The following DNM3 variants were observed in gnomAD, a reference collection of about 807,000 sequenced individuals.
The protein encoded by DNM3 is dynamin-3.
In DNM3, 47 loss-of-function variants were observed where a neutral mutation model predicts 101.6. That is an observed-to-expected ratio of 0.46 (90% CI 0.37 to 0.59). DNM3 has a LOEUF of 0.59. DNM3 is among the 20% of genes least tolerant of loss of function. The pLI is 0.00. For missense variants in DNM3, 849 were observed against 1,085.7 expected (o/e 0.78, Z 3.06); for synonymous variants, 385 against 387.9 (o/e 0.99, Z 0.09).
intron 15 of DNM3, among the ~76,000 whole-genome samples, chr1:172,277,260 G>A (rs1180600936): frequency 6.6e-6 from 1 of 152,062 alleles, no homozygotes. Flanking sequence ...GTTTGTATAA[G>A]TAATCAGAAA....
At chr1:172,283,043 T>C (rs909257615) in intron 15 of DNM3, among the ~76,000 whole-genome samples, 1 of 152,242 alleles carries the variant, frequency 6.6e-6, no homozygotes, top group Admixed American at 6.5e-5. Flanking sequence ...TGCTAGTTAC[T>C]GACAATCAGG....
In DNM3 at chr1:172,412,361, A is replaced by G. The variant is rs2071257784; in HGVS notation, c.*4520A>G. Reference sequence around the variant, plus strand: ...ATTCCCCCCAACCAGTAATTCCACCAGTACTACTTGATTTGTGTTATATTT... The same window carrying G: ...ATTCCCCCCAACCAGTAATTCCACCGGTACTACTTGATTTGTGTTATATTT... On this transcript the variant is annotated 3_prime_UTR_variant, in exon 21 of 21. Transcript: ENST00000627582. 3.0e-6 allele frequency: 3 copies of G among 985,622 alleles called. No homozygotes were observed. The highest frequency in any genetic ancestry group is 3.6e-6 in the Non-Finnish European group (3 of 829,922). 61.1% of individuals were successfully genotyped at this position (985,622 alleles called of 1,614,324 possible). A position where few individuals can be genotyped will look rare whatever the true frequency, so the allele number is the denominator to read the frequency against.
chr1:172,095,613 C>T (rs766115220), intron 13 of DNM3, among the ~76,000 whole-genome samples: 12 of 152,134 alleles, frequency 7.9e-5, no homozygotes, highest in Non-Finnish European at 1.0e-4. Context: ...CCCACCCTTC[C>T]GACTGATGCT....
In DNM3 at chr1:172,302,251, C is replaced by T. The variant is rs78337718; in HGVS notation, c.1770-6477C>T. On this transcript the variant is annotated intron_variant, in intron 15 of 20. Coordinates refer to ENST00000627582, the MANE Select transcript of DNM3 (RefSeq NM_015569.5). ...CCTGGCTCAGCAGGTCCCACACCCA[C>T]GGAGCCTTGCTCACTGCTAGTACAG... 1.6e-3 allele frequency among the ~76,000 whole-genome samples: 240 copies of T among 152,366 alleles called. 1 individual carries two copies. Among genetic ancestry groups the T allele is most frequent in the African/African-American group, 5.7e-3 (235 of 41,590 alleles).
chr1:172,158,385 G>C (rs1225563534), intron 14 of DNM3, among the ~76,000 whole-genome samples: 1 of 151,990 alleles, frequency 6.6e-6, no homozygotes, highest in Admixed American at 6.6e-5. Context: ...GGAAAACAGA[G>C]AGACCATGAA....
At chr1:172,106,847 C>CTTTTT (rs1165611083) in intron 13 of DNM3, among the ~76,000 whole-genome samples, 928 of 67,904 alleles carry the variant, frequency 0.014, 260 homozygotes, top group Middle Eastern at 0.02. Flanking sequence ...TAACATTATT[C>CTTTTT]TTTTTTTTTT....
intron 18 of DNM3, among the ~76,000 whole-genome samples, chr1:172,384,071 T>C (rs2069061197): frequency 6.6e-6 from 1 of 152,170 alleles, no homozygotes; most frequent in Admixed American, 6.6e-5. Flanking sequence ...GATTTAAATG[T>C]CTGTATACCA....
intron 4 of DNM3, among the ~76,000 whole-genome samples, chr1:171,990,412 G>A (rs942308637): frequency 6.6e-6 from 1 of 152,094 alleles, no homozygotes; most frequent in Admixed American, 6.6e-5. Flanking sequence ...CAACTGTTAG[G>A]TTCTATGAGT....
intron 2 of DNM3, among the ~76,000 whole-genome samples, chr1:171,961,512 T>C (rs1342500102): frequency 6.6e-6 from 1 of 152,160 alleles, no homozygotes; most frequent in Non-Finnish European, 1.5e-5. Context: ...TGGAAATTGG[T>C]ACAGCCATTG....
intron 14 of DNM3, among the ~76,000 whole-genome samples, chr1:172,166,636 A>T (rs996516218): frequency 3.3e-5 from 5 of 152,084 alleles, no homozygotes; most frequent in African/African-American, 1.2e-4. Context: ...AGGTGCCTAG[A>T]ACATAGTATA....
At chr1:172,377,553 CATATATATAT>C (rs34612864) in intron 17 of DNM3, among the ~76,000 whole-genome samples, 24,098 of 123,434 alleles carry the variant, frequency 0.2, 2,612 homozygotes, top group Non-Finnish European at 0.23. Flanking sequence ...TGATATATAT[CATATATATAT>C]ATATATATAT....
intron 14 of DNM3, among the ~76,000 whole-genome samples, chr1:172,172,292 C>T (rs1236509582): frequency 6.6e-6 from 1 of 151,590 alleles, no homozygotes; most frequent in Non-Finnish European, 1.5e-5. Context: ...GGACTACATT[C>T]CAAGACTCCG....
intron 2 of DNM3, among the ~76,000 whole-genome samples, chr1:171,933,412 A>G (rs765548969): frequency 3.9e-5 from 6 of 152,344 alleles, no homozygotes; most frequent in Non-Finnish European, 8.8e-5. Flanking sequence ...TGCCAGGCAA[A>G]TATTACTGTC....
chr1:172,314,641 A>G (rs1306292483), intron 16 of DNM3, among the ~76,000 whole-genome samples: 9 of 152,190 alleles, frequency 5.9e-5, no homozygotes, highest in Non-Finnish European at 1.5e-5. Flanking sequence ...GATTGCTAGC[A>G]CAGCAGTCTG....
intron 14 of DNM3, chr1:172,131,666 A>C (rs1572645160): frequency 4.2e-6 from 1 of 238,866 alleles, no homozygotes. Flanking sequence ...AGTGAAATTA[A>C]TAATATTGAT....
intron 17 of DNM3, among the ~76,000 whole-genome samples, chr1:172,332,198 T>A (rs1282275165): frequency 6.6e-6 from 1 of 152,226 alleles, no homozygotes; most frequent in Non-Finnish European, 1.5e-5. Flanking sequence ...TAAGTTACAA[T>A]GCTGTAACAA....
intron 2 of DNM3, among the ~76,000 whole-genome samples, chr1:171,979,388 G>A (rs2044617250): frequency 6.6e-6 from 1 of 152,166 alleles, no homozygotes. Flanking sequence ...TATCTGCACT[G>A]CCATGTTTGT....
At position 172,032,487 on chromosome 1, in the gene DNM3, G is replaced by T. The variant is rs1367703596; in HGVS notation, c.675G>T (p.Leu225Phe). 6.4e-7 allele frequency: 1 copy of T among 1,562,516 alleles called. No homozygotes were observed. The highest frequency in any genetic ancestry group is 1.4e-5 in the African/African-American group (1 of 71,010). ...DARDVLENKL[L>F]PLRRGYVGVV... ...GGGATGTTCTAGAGAACAAACTGTT[G>T]CCTCTTCGCAGGGGTAATGTACTGT... The change falls in exon 5 of 21, where the codon TTG becomes TTT. Residue 225 changes from leucine to phenylalanine, a missense_variant. This residue lies in a region of DNM3 where 388 missense variants were observed against 483.0 expected (regional missense o/e 0.80). Coordinates refer to ENST00000627582, the MANE Select transcript of DNM3 (RefSeq NM_015569.5).
chr1:171,888,404 AT>A (rs2036970278), intron 1 of DNM3, among the ~76,000 whole-genome samples: 1 of 152,180 alleles, frequency 6.6e-6, no homozygotes, highest in Non-Finnish European at 1.5e-5. Flanking sequence ...TTTAATATGG[AT>A]TATAAAACTG....
Sources: gnomAD v4.1 joint callset for allele counts (sites outside exome capture counted in the v4.1 genomes callset) on GRCh38, gnomAD v4.1.1 for gene constraint, gnomAD v4.1.1 regional missense constraint, MANE v1.5 for transcripts, NCBI Gene and HGNC (gene_info 2026-07-23, HGNC 2026-07-21) for gene names.